Variants in ZNF217 observed in about 807,000 individuals in gnomAD.
ZNF217 encodes the protein zinc finger protein 217.
In ZNF217, 12 loss-of-function variants were observed where a neutral mutation model predicts 73.3. The observed-to-expected ratio is 0.16, with a 90% CI of 0.10 to 0.27. The LOEUF (loss-of-function observed/expected upper bound fraction) is 0.27, where lower values mean the gene tolerates loss of function less well. Ranked by LOEUF, ZNF217 falls within the 10% of genes least tolerant of loss-of-function variation. The probability of loss-of-function intolerance (pLI) is 1.00; values close to 1 mark genes in which losing one functional copy is unlikely to be tolerated. For missense variants in ZNF217, 1,195 were observed against 1,327.8 expected, an observed-to-expected ratio of 0.90 and a Z score of 1.55; for synonymous variants, 588 against 516.4, an observed-to-expected ratio of 1.14 and a Z score of -1.88.
rs747627401 is a variant in ZNF217 at position 53,569,207 on chromosome 20, T to G, written c.*81A>C. 1.3e-5 allele frequency: 18 copies of G among 1,351,176 alleles called. No homozygotes were observed. Among genetic ancestry groups the G allele is most frequent in the African/African-American group, 1.5e-5 (1 of 67,570 alleles). 83.7% of individuals were successfully genotyped at this position (1,351,176 alleles called of 1,614,324 possible). A position where few individuals can be genotyped will look rare whatever the true frequency, so the allele number is the denominator to read the frequency against. On this transcript the variant is annotated 3_prime_UTR_variant, in exon 6 of 6. Coordinates refer to ENST00000371471, the MANE Select transcript of ZNF217 (RefSeq NM_006526.3). ...TTCAGTAGCTTTCACCATTCGCTTC[T>G]CAAAGGATGAAGTAAAATTTAATTT...
chr20:53,584,055 A>G (rs189098176), intron 1 of ZNF217, among the ~76,000 whole-genome samples: 1 of 152,364 alleles, frequency 6.6e-6, no homozygotes, highest in Non-Finnish European at 1.5e-5. Flanking sequence ...TACCTTTCAC[A>G]TCATGCACTG....
Position 53,582,675 on chromosome 20 carries a change from G to T in ZNF217, c.152C>A (p.Thr51Lys). ...KGTAVVPFRA[T>K]QEKNVIQIEG... ...GATTTGGATGACATTTTTTTCTTGT[G>T]TAGCTCGGAATGGAACAACAGCGGT... Residue 51 changes from threonine to lysine, a missense_variant, in exon 2 of 6, where the codon ACA (threonine) becomes AAA (lysine). Transcript: ENST00000371471. The surrounding 1 kb of genome is among the most constrained non-coding windows in gnomAD (Gnocchi z 4.8). The T allele has an allele frequency of 2.5e-6, 4 of 1,614,102 alleles. No homozygotes were observed. Among genetic ancestry groups the T allele is most frequent in the Non-Finnish European group, 3.4e-6 (4 of 1,180,010 alleles).
chr20:53,592,974 A>T (rs1469262564), intron 1 of ZNF217, among the ~76,000 whole-genome samples: 1 of 151,906 alleles, frequency 6.6e-6, no homozygotes, highest in African/African-American at 2.4e-5. Context: ...TTGTAAAGAT[A>T]TTCTTTAAGT....
intron 1 of ZNF217, among the ~76,000 whole-genome samples, chr20:53,589,151 ACT>A (rs1041565406): frequency 2.0e-5 from 3 of 152,158 alleles, no homozygotes; most frequent in African/African-American, 7.2e-5. Flanking sequence ...ATACAGAAAC[ACT>A]ACACGAGTCT....
At chr20:53,570,224 A>G (rs914812560) in intron 5 of ZNF217, 1 of 152,632 alleles carries the variant, frequency 6.6e-6, no homozygotes, top group Non-Finnish European at 1.5e-5. Flanking sequence ...TATTCCTGTG[A>G]TGACAAAGCT....
intron 1 of ZNF217, among the ~76,000 whole-genome samples, chr20:53,591,591 A>C (rs1988881199): frequency 6.6e-6 from 1 of 152,274 alleles, no homozygotes; most frequent in African/African-American, 2.4e-5. Flanking sequence ...AAACACTATT[A>C]GTCTCCAGAA....
At chr20:53,595,046 C>CAAA (rs55752265), upstream of ZNF217, among the ~76,000 whole-genome samples, 9,909 of 105,028 alleles carry the variant, frequency 0.094, 652 homozygotes, top group East Asian at 0.18. Flanking sequence ...AAAAAAGGGA[C>CAAA]AAAAAAAAAA....
chr20:53,593,121 G>T (rs1042337979), intron 1 of ZNF217, among the ~76,000 whole-genome samples: 2 of 152,040 alleles, frequency 1.3e-5, no homozygotes, highest in African/African-American at 4.8e-5. Context: ...AAGACTCCCG[G>T]GGACAGATTT....
rs1451182973 is a variant in ZNF217, at chr20:53,569,016, T to C, written c.*272A>G. Reference sequence around the variant, plus strand: ...TTGGTCAATTCTAAGAAAAATATTATTCAGGGACAAAATAGAGATTTCCAG... The same window carrying C: ...TTGGTCAATTCTAAGAAAAATATTACTCAGGGACAAAATAGAGATTTCCAG... On this transcript the variant is annotated 3_prime_UTR_variant, in exon 6 of 6. Coordinates refer to ENST00000371471, the MANE Select transcript of ZNF217 (RefSeq NM_006526.3). The C allele has an allele frequency of 2.3e-6, 2 of 852,886 alleles. No homozygotes were observed. Among genetic ancestry groups the C allele is most frequent in the Non-Finnish European group, 2.9e-6 (2 of 683,492 alleles). The allele number at this position is 852,886 out of a possible 1,614,324, so 52.8% of individuals were successfully genotyped here.
rs545954705 is a variant in ZNF217 at position 53,569,675 on chromosome 20, C to T, written c.*24-411G>A. The stretch of plus-strand genomic sequence containing the variant: ...CTGCGATTACAGGCATGAGCCACTG[C>T]GCCTGGCCCTGGGTTCTATTTAAGT... On this transcript the variant is annotated intron_variant, in intron 5 of 5. Coordinates refer to ENST00000371471, the MANE Select transcript of ZNF217 (RefSeq NM_006526.3). 2.0e-5 allele frequency among the ~76,000 whole-genome samples: 3 copies of T among 152,328 alleles called. No individual in the cohort carries two copies. The South Asian group carries it at 6.2e-4, about 32-fold the overall frequency.
upstream of ZNF217, among the ~76,000 whole-genome samples, chr20:53,595,059 A>AC (rs796728933): frequency 0.033 from 4,927 of 150,052 alleles, 295 homozygotes; most frequent in African/African-American, 0.11. Flanking sequence ...AAAAAAAAAA[A>AC]AAAAAACCGC....
intron 5 of ZNF217, among the ~76,000 whole-genome samples, chr20:53,571,144 A>AC (rs987804494): frequency 3.3e-5 from 5 of 152,158 alleles, no homozygotes; most frequent in African/African-American, 1.2e-4. Flanking sequence ...CTCATCCCTT[A>AC]CCTAAGCCCT....
At chr20:53,573,280 C>T (rs888356856) in intron 4 of ZNF217, among the ~76,000 whole-genome samples, 4 of 152,110 alleles carry the variant, frequency 2.6e-5, no homozygotes, top group Non-Finnish European at 5.9e-5. Flanking sequence ...TGCGCTACCA[C>T]ACCCAGCTAA....
intron 4 of ZNF217, chr20:53,575,494 C>T (rs1988217977): frequency 2.3e-6 from 1 of 443,156 alleles, no homozygotes; most frequent in African/African-American, 2.0e-5. Flanking sequence ...TAAGACTAAA[C>T]AAATCAAAAG....
In ZNF217 at chr20:53,576,469, C is replaced by A. The variant is rs763697472; in HGVS notation, c.2295G>T (p.Val765=). The A allele has an allele frequency of 6.2e-7, 1 of 1,614,194 alleles. No homozygotes were observed. The highest frequency in any genetic ancestry group is 2.2e-5 in the East Asian group (1 of 44,874). Residue 765 remains valine, a synonymous_variant, in exon 4 of 6, where the codon GTG becomes GTT. Transcript: ENST00000371471. ...GCPPALLGKD[V]PPLSSFCKPK... is the part of the protein sequence containing the mutation. ...GTTTACAGAAACTAGAGAGGGGAGG[C>A]ACATCTTTTCCCAGCAACGCTGGCG... is the stretch of plus-strand genomic sequence containing the variant.
chr20:53,572,704 AAC>A (rs1988066958), intron 4 of ZNF217: 1 of 152,206 alleles, frequency 6.6e-6, no homozygotes, highest in South Asian at 2.1e-4. Context: ...GTTTGAAACT[AAC>A]ACAAACTGAA....
rs1988570216 is a variant in ZNF217 at position 53,583,142 on chromosome 20, A to C, written c.-316T>G. ...AATTGAGCAAGAAGTCAATCCCAGC[A>C]ACCTGGAGACAAGGGATTTCCAAAC... is the stretch of plus-strand genomic sequence containing the variant. On this transcript the variant is annotated 5_prime_UTR_variant, in exon 2 of 6. Transcript: ENST00000371471. 1 of 411,526 alleles carries C rather than the reference A, an allele frequency of 2.4e-6. No homozygotes were observed. The highest frequency in any genetic ancestry group is 4.3e-6 in the Non-Finnish European group (1 of 233,232). 25.5% of individuals were successfully genotyped at this position (411,526 alleles called of 1,614,324 possible). A position where few individuals can be genotyped will look rare whatever the true frequency, so the allele number is the denominator to read the frequency against.
At chr20:53,572,151 A>G (rs545258117) in intron 4 of ZNF217, among the ~76,000 whole-genome samples, 6 of 152,354 alleles carry the variant, frequency 3.9e-5, no homozygotes, top group African/African-American at 1.4e-4. Context: ...ATCATGAACC[A>G]AACTATGTAA....
chr20:53,596,240 CAAAA>C (rs201769487), upstream of ZNF217, among the ~76,000 whole-genome samples: 5 of 144,928 alleles, frequency 3.4e-5, no homozygotes, highest in Non-Finnish European at 7.6e-5. Flanking sequence ...CCGCCTCTCT[CAAAA>C]AAAAAAAAGA....
Sources: gnomAD v4.1 joint callset for allele counts (sites outside exome capture counted in the v4.1 genomes callset) on GRCh38, gnomAD v4.1.1 for gene constraint, Gnocchi (gnomAD v3.1) non-coding constraint, MANE v1.5 for transcripts, NCBI Gene and HGNC (gene_info 2026-07-23, HGNC 2026-07-21) for gene names.